The following KCNQ1OT1 variants were observed in gnomAD, a reference collection of about 807,000 sequenced individuals.
KCNQ1OT1 encodes the protein KCNQ1 opposite strand/antisense transcript 1.
exon 1 of KCNQ1OT1, chr11:2,689,841 T>C (rs557606317): frequency 5.8e-5 from 23 of 398,676 alleles, no homozygotes; most frequent in Non-Finnish European, 9.3e-5. Flanking sequence ...TGCCTGGTTG[T>C]GGCCTGCCAC....
At chr11:2,630,115 T>C (rs1333897359) in exon 1 of KCNQ1OT1, 1 of 398,402 alleles carries the variant, frequency 2.5e-6, no homozygotes, top group Non-Finnish European at 4.4e-6. Context: ...TTGTTCATAG[T>C]TTTTATCATG....
At chr11:2,680,575 C>G in exon 1 of KCNQ1OT1, 1 of 398,506 alleles carries the variant, frequency 2.5e-6, no homozygotes, top group Non-Finnish European at 4.4e-6. Flanking sequence ...CTTACATACT[C>G]CTTTACCTAG....
At chr11:2,688,490 G>T in exon 1 of KCNQ1OT1, 1 of 398,734 alleles carries the variant, frequency 2.5e-6, no homozygotes, top group South Asian at 1.3e-4. Context: ...GCCTCTGGTT[G>T]CCCTGCTCTG....
At chr11:2,699,457 C>T (rs927319491) in exon 1 of KCNQ1OT1, 1 of 400,728 alleles carries the variant, frequency 2.5e-6, no homozygotes, top group Non-Finnish European at 4.4e-6. Flanking sequence ...TGAGGAGCCG[C>T]CGGGAGAGTG....
At chr11:2,672,292 G>A (rs1850198644) in exon 1 of KCNQ1OT1, 1 of 398,708 alleles carries the variant, frequency 2.5e-6, no homozygotes. Flanking sequence ...CCAGCTGGGT[G>A]TGTGGGCTCC....
chr11:2,634,222 A>G (rs1849413954), exon 1 of KCNQ1OT1: 2 of 392,716 alleles, frequency 5.1e-6, no homozygotes, highest in Admixed American at 9.0e-5. Context: ...CACAACGTGC[A>G]GGTTTGTTAC....
chr11:2,649,263 G>A lies in KCNQ1OT1; in HGVS notation n.50732C>T, dbSNP rs987381443. 3 of 398,032 alleles carry A rather than the reference G, an allele frequency of 7.5e-6. No homozygotes were observed. In the Admixed American group the frequency reaches 1.3e-4, roughly 18 times the overall value. The allele number at this position is 398,032 out of a possible 1,614,324, so 24.7% of individuals were successfully genotyped here. A position where few individuals can be genotyped will look rare whatever the true frequency, so the allele number is the denominator to read the frequency against. ...TACTCCTGTCATTTTATTGTTTTCTGACTGATTTGTATACTTTTGTTTCCT... is the reference window on the plus strand; with the variant it reads ...TACTCCTGTCATTTTATTGTTTTCTAACTGATTTGTATACTTTTGTTTCCT... On this transcript the variant is annotated non_coding_transcript_exon_variant, in exon 1 of 1. Transcript: ENST00000597346.
chr11:2,630,149 T>C (rs1052799839), exon 1 of KCNQ1OT1: 4 of 398,284 alleles, frequency 1.0e-5, no homozygotes, highest in African/African-American at 8.2e-5. Flanking sequence ...TTATGTGAAC[T>C]GCATTATTTG....
In KCNQ1OT1 at chr11:2,623,553, T is replaced by C. The variant is rs1849209925; in HGVS notation, n.76442A>G. The C allele has an allele frequency of 2.5e-6, 1 of 398,466 alleles. No homozygotes were observed. Among genetic ancestry groups the C allele is most frequent in the African/African-American group, 2.1e-5 (1 of 48,630 alleles). The allele number at this position is 398,466 out of a possible 1,614,324, so 24.7% of individuals were successfully genotyped here. A position where few individuals can be genotyped will look rare whatever the true frequency, so the allele number is the denominator to read the frequency against. ...TTTCTTCAGATTGCCTTATTTCACA[T>C]AGTAATATGTTTTTTAATTACCTCC... On this transcript the variant is annotated non_coding_transcript_exon_variant, in exon 1 of 1. Coordinates refer to ENST00000597346, the Ensembl canonical transcript of KCNQ1OT1. The surrounding 1 kb of genome is among the most constrained non-coding windows in gnomAD (Gnocchi z 5.2).
At position 2,621,815 on chromosome 11, in the gene KCNQ1OT1, C is replaced by A. The variant is rs1251777318; in HGVS notation, n.78180G>T. On this transcript the variant is annotated non_coding_transcript_exon_variant, in exon 1 of 1. Coordinates refer to ENST00000597346, the Ensembl canonical transcript of KCNQ1OT1. The surrounding 1 kb of genome is among the most constrained non-coding windows in gnomAD (Gnocchi z 5.7). ...TTTTTCAAAAATCAATTCTTTGTTT[C>A]AAAAATTGAAGTCTTAGTTTTACTG... 5 of 398,236 alleles carry A rather than the reference C, an allele frequency of 1.3e-5. No homozygotes were observed. The highest frequency in any genetic ancestry group is 1.8e-5 in the Non-Finnish European group (4 of 225,892). The allele number at this position is 398,236 out of a possible 1,614,324, so 24.7% of individuals were successfully genotyped here.
chr11:2,622,115 T>G (rs1273044187), exon 1 of KCNQ1OT1: 3 of 398,256 alleles, frequency 7.5e-6, no homozygotes, highest in African/African-American at 6.2e-5. Flanking sequence ...CTGTTTTCAT[T>G]TCTTCTTTGA....
At chr11:2,660,622 A>G (rs1198023515) in exon 1 of KCNQ1OT1, 1 of 398,544 alleles carries the variant, frequency 2.5e-6, no homozygotes, top group African/African-American at 2.1e-5. Flanking sequence ...AGCCCATAAA[A>G]GGTATTCAAC....
At chr11:2,616,941 T>C in exon 1 of KCNQ1OT1, 1 of 395,160 alleles carries the variant, frequency 2.5e-6, no homozygotes, top group Non-Finnish European at 4.4e-6. Flanking sequence ...GGCTTCTGTC[T>C]GGCTGTACAT....
exon 1 of KCNQ1OT1, chr11:2,636,392 G>T (rs935228178): frequency 6.6e-6 from 1 of 152,050 alleles, no homozygotes; most frequent in African/African-American, 2.4e-5. Context: ...TTTTTAGCAT[G>T]AAGGGCTGTT....
In KCNQ1OT1 at chr11:2,679,202, G is replaced by GC. The variant is rs1850345002; in HGVS notation, n.20792dup. ...GAGTTAGGCCACCTGTAACAATGCA[G>GC]CCCCATCCATGTGAAGCTGGTCCAG... is the stretch of plus-strand genomic sequence containing the variant. On this transcript the variant is annotated non_coding_transcript_exon_variant, in exon 1 of 1. Transcript: ENST00000597346. This position sits in a 1 kb window ranked among gnomAD's most constrained non-coding sequence, Gnocchi z 4.8. 2.5e-6 allele frequency: 1 copy of GC among 398,500 alleles called. No individual in the cohort carries two copies. The highest frequency in any genetic ancestry group is 4.4e-6 in the Non-Finnish European group (1 of 226,086). 24.7% of individuals were successfully genotyped at this position (398,500 alleles called of 1,614,324 possible).
At chr11:2,610,066 A>G (rs1848953897) in exon 1 of KCNQ1OT1, 1 of 397,776 alleles carries the variant, frequency 2.5e-6, no homozygotes. Flanking sequence ...GGTCTTTTCT[A>G]TGTACTATTT....
In KCNQ1OT1 at chr11:2,659,832, T is replaced by A. The variant is rs1849918512; in HGVS notation, n.40163A>T. 1 of 398,514 alleles carries A rather than the reference T, an allele frequency of 2.5e-6. No individual in the cohort carries two copies. Among genetic ancestry groups the A allele is most frequent in the Admixed American group, 4.4e-5 (1 of 22,742 alleles). The allele number at this position is 398,514 out of a possible 1,614,324, so 24.7% of individuals were successfully genotyped here. A position where few individuals can be genotyped will look rare whatever the true frequency, so the allele number is the denominator to read the frequency against. On this transcript the variant is annotated non_coding_transcript_exon_variant, in exon 1 of 1. Coordinates refer to ENST00000597346, the Ensembl canonical transcript of KCNQ1OT1. The surrounding 1 kb of genome is among the most constrained non-coding windows in gnomAD (Gnocchi z 4.3). The stretch of plus-strand genomic sequence containing the variant: ...TGATTCTAATTTGCATTTCCATATT[T>A]ATGTTAATTATGTATCTTTTCATGT...
At position 2,661,133 on chromosome 11, in the gene KCNQ1OT1, G is replaced by C. The variant is rs953574969; in HGVS notation, n.38862C>G. 2 of 398,508 alleles carry C rather than the reference G, an allele frequency of 5.0e-6. No homozygotes were observed. The highest frequency in any genetic ancestry group is 4.1e-5 in the African/African-American group (2 of 48,628). 24.7% of individuals were successfully genotyped at this position (398,508 alleles called of 1,614,324 possible). ...CATCTGCTGCTCGGATGAGCAGAGAGGGTGGGCTAGGGATCTAGTTGGCAG... is the reference window on the plus strand; with the variant it reads ...CATCTGCTGCTCGGATGAGCAGAGACGGTGGGCTAGGGATCTAGTTGGCAG... On this transcript the variant is annotated non_coding_transcript_exon_variant, in exon 1 of 1. Transcript: ENST00000597346. This position sits in a 1 kb window ranked among gnomAD's most constrained non-coding sequence, Gnocchi z 5.9.
In KCNQ1OT1 at chr11:2,671,958, G is replaced by A; in HGVS notation, n.28037C>T. On this transcript the variant is annotated non_coding_transcript_exon_variant, in exon 1 of 1. Coordinates refer to ENST00000597346, the Ensembl canonical transcript of KCNQ1OT1. This position sits in a 1 kb window ranked among gnomAD's most constrained non-coding sequence, Gnocchi z 4.7. ...AGTCTCTGTATCTGGGGTAGAAAGA[G>A]TGGGCTAAAAAGTCAGCTAGCACCC... 2.5e-6 allele frequency: 1 copy of A among 398,636 alleles called. No homozygotes were observed. The highest frequency in any genetic ancestry group is 4.4e-6 in the Non-Finnish European group (1 of 226,092). 24.7% of individuals were successfully genotyped at this position (398,636 alleles called of 1,614,324 possible).
Sources: gnomAD v4.1 joint callset for allele counts on GRCh38, gnomAD v4.1.1 for gene constraint, Gnocchi (gnomAD v3.1) non-coding constraint, MANE v1.5 for transcripts, NCBI Gene and HGNC (gene_info 2026-07-23, HGNC 2026-07-21) for gene names.